NPFFR2: variants seen among roughly 807,000 people sequenced by gnomAD.
The protein encoded by NPFFR2 is neuropeptide FF receptor 2.
NPFFR2 carries 15 observed loss-of-function variants against 13.1 expected under a neutral mutation model. The observed-to-expected ratio is 1.15, with a 90% confidence interval of 0.77 to 1.76. The LOEUF (loss-of-function observed/expected upper bound fraction) is 1.76. Among genes scored for constraint, NPFFR2 ranks in the 40% most tolerant of loss-of-function variants. The pLI, the probability that NPFFR2 is intolerant of heterozygous loss-of-function variation, is 0.00. For missense variants in NPFFR2, 572 were observed against 503.5 expected (o/e 1.14, Z -1.30); for synonymous variants, 190 against 175.7 (o/e 1.08, Z -0.65).
chr4:72,071,163 C>CT (rs551552999), intron 1 of NPFFR2, among the ~76,000 whole-genome samples: 37 of 152,116 alleles, frequency 2.4e-4, no homozygotes, highest in Non-Finnish European at 4.7e-4. Flanking sequence ...CTATGTTTTC[C>CT]TTTTTTGTTA....
At chr4:72,068,193 G>A (rs552227974) in intron 1 of NPFFR2, among the ~76,000 whole-genome samples, 1 of 152,168 alleles carries the variant, frequency 6.6e-6, no homozygotes, top group South Asian at 2.1e-4. Flanking sequence ...AATTTTTAAA[G>A]AACATAAATT....
intron 1 of NPFFR2, among the ~76,000 whole-genome samples, chr4:72,123,296 C>T (rs1413772870): frequency 1.3e-5 from 2 of 152,066 alleles, no homozygotes; most frequent in Non-Finnish European, 1.5e-5. Flanking sequence ...CAAAAAAAGC[C>T]CAGAACCAGA....
rs184946290 is a variant in NPFFR2 at position 72,052,569 on chromosome 4, C to A, written c.-8+20369C>A. ...GAATGAGCAAAAACTGGAAGCATTC[C>A]CTTTGAAAACTGGCACAAGACAGGG... On this transcript the variant is annotated intron_variant, in intron 1 of 3. Transcript: ENST00000308744. 3.0e-3 allele frequency among the ~76,000 whole-genome samples: 450 copies of A among 152,108 alleles called. 2 individuals carry two copies. The highest frequency in any genetic ancestry group is 0.011 in the African/African-American group (442 of 41,494).
rs12108353 is a variant in NPFFR2, at chr4:72,097,898, C to G, written c.-7-30687C>G. ...TACCCTTCAGATTAGGCTCAAATAA[C>G]TTACCTTCTTGGAAGCAATTTCTGA... On this transcript the variant is annotated intron_variant, in intron 1 of 3. Transcript: ENST00000308744. Among the ~76,000 whole-genome samples, 30 of 152,246 alleles carry G rather than the reference C, an allele frequency of 2.0e-4. No homozygotes were observed. The East Asian group carries it at 5.6e-3, about 28-fold the overall frequency.
chr4:72,116,760 G>C (rs1183053639), intron 1 of NPFFR2, among the ~76,000 whole-genome samples: 1 of 151,934 alleles, frequency 6.6e-6, no homozygotes, highest in Non-Finnish European at 1.5e-5. Flanking sequence ...TTTTGTTCAG[G>C]CATATTTATA....
chr4:72,141,266 C>G (rs565028068), intron 3 of NPFFR2, among the ~76,000 whole-genome samples: 1 of 151,358 alleles, frequency 6.6e-6, no homozygotes, highest in Non-Finnish European at 1.5e-5. Context: ...TCCTTCAGTT[C>G]TGCTCTGATC....
intron 1 of NPFFR2, among the ~76,000 whole-genome samples, chr4:72,071,797 C>G (rs1206596169): frequency 6.6e-6 from 1 of 152,118 alleles, no homozygotes; most frequent in Non-Finnish European, 1.5e-5. Flanking sequence ...TGTTTTACCT[C>G]CTCCCATTGC....
intron 1 of NPFFR2, among the ~76,000 whole-genome samples, chr4:72,046,354 T>C (rs1719381712): frequency 6.6e-6 from 1 of 152,174 alleles, no homozygotes; most frequent in Non-Finnish European, 1.5e-5. Flanking sequence ...AATGCCATCA[T>C]TGCAGAAGTG....
At chr4:72,107,475 G>A (rs1368193992) in intron 1 of NPFFR2, among the ~76,000 whole-genome samples, 1 of 151,694 alleles carries the variant, frequency 6.6e-6, no homozygotes, top group African/African-American at 2.4e-5. Flanking sequence ...GCCTGGGTCA[G>A]GTTACTTAGC....
chr4:72,055,547 A>G (rs1355087640), intron 1 of NPFFR2, among the ~76,000 whole-genome samples: 1 of 151,920 alleles, frequency 6.6e-6, no homozygotes, highest in Admixed American at 6.6e-5. Context: ...TAACCCTACA[A>G]TGGCCTCTAA....
chr4:72,061,408 G>A (rs1719914643), intron 1 of NPFFR2, among the ~76,000 whole-genome samples: 1 of 152,230 alleles, frequency 6.6e-6, no homozygotes, highest in South Asian at 2.1e-4. Context: ...TAGACAAACT[G>A]ACATAGTGGT....
At chr4:72,117,006 AC>A (rs1721732659) in intron 1 of NPFFR2, among the ~76,000 whole-genome samples, 1 of 152,028 alleles carries the variant, frequency 6.6e-6, no homozygotes, top group Non-Finnish European at 1.5e-5. Context: ...CAAGACGTCT[AC>A]CTTACACAAC....
chr4:72,143,991 A>T (rs551101985), intron 3 of NPFFR2, among the ~76,000 whole-genome samples: 2 of 152,198 alleles, frequency 1.3e-5, no homozygotes, highest in Non-Finnish European at 2.9e-5. Flanking sequence ...ATCTATTGAT[A>T]TATAATGAAC....
chr4:72,103,319 G>C (rs1181101896), intron 1 of NPFFR2, among the ~76,000 whole-genome samples: 1 of 152,072 alleles, frequency 6.6e-6, no homozygotes, highest in Non-Finnish European at 1.5e-5. Context: ...GAGCCAAATG[G>C]GAGGTGTTTA....
At chr4:72,034,741 C>T (rs1719001094) in intron 1 of NPFFR2, among the ~76,000 whole-genome samples, 2 of 152,050 alleles carry the variant, frequency 1.3e-5, no homozygotes, top group South Asian at 4.1e-4. Flanking sequence ...TAAGTTGGTT[C>T]TTAAATGAAT....
At chr4:72,051,654 C>T (rs1719585868) in intron 1 of NPFFR2, among the ~76,000 whole-genome samples, 1 of 151,594 alleles carries the variant, frequency 6.6e-6, no homozygotes. Flanking sequence ...CAGAGCAGAA[C>T]TGAAGGAAAT....
At chr4:72,084,678 G>A (rs1050835059) in intron 1 of NPFFR2, among the ~76,000 whole-genome samples, 2 of 152,136 alleles carry the variant, frequency 1.3e-5, no homozygotes, top group African/African-American at 4.8e-5. Flanking sequence ...CATCTCAAAA[G>A]AGGCCCACTC....
At chr4:72,112,144 G>T (rs893219135) in intron 1 of NPFFR2, among the ~76,000 whole-genome samples, 2 of 151,962 alleles carry the variant, frequency 1.3e-5, no homozygotes, top group South Asian at 2.1e-4. Context: ...CATTCAGGCT[G>T]CTGTTTAAGT....
At chr4:72,054,852 G>C (rs13117567) in intron 1 of NPFFR2, among the ~76,000 whole-genome samples, 35,455 of 151,720 alleles carry the variant, frequency 0.23, 5,333 homozygotes, top group Middle Eastern at 0.37. Context: ...AAACTGTTCA[G>C]AGTTCTGTCT....
Sources: gnomAD v4.1 joint callset for allele counts (sites outside exome capture counted in the v4.1 genomes callset) on GRCh38, gnomAD v4.1.1 for gene constraint, MANE v1.5 for transcripts, NCBI Gene and HGNC (gene_info 2026-07-23, HGNC 2026-07-21) for gene names.